Variants in ARHGAP15 observed in about 807,000 individuals in gnomAD.
ARHGAP15 encodes rho GTPase-activating protein 15.
A neutral mutation model predicts 63.7 loss-of-function variants in ARHGAP15; 51 were observed. The observed-to-expected ratio is 0.80, with a 90% confidence interval of 0.64 to 1.01. ARHGAP15 has a LOEUF of 1.01. ARHGAP15 is among the 50% of genes least tolerant of loss of function. The pLI is 0.00. For synonymous variants in ARHGAP15, 191 were observed against 193.8 expected (o/e 0.99, Z 0.12); for missense variants, 560 against 564.6 (o/e 0.99, Z 0.08).
chr2:143,561,295 G>A (rs1462906513), intron 11 of ARHGAP15, among the ~76,000 whole-genome samples: 1 of 152,110 alleles, frequency 6.6e-6, no homozygotes, highest in Non-Finnish European at 1.5e-5. Context: ...TTGAAAAAGG[G>A]ACAAGAGAGA....
At chr2:143,711,360 C>T (rs562806735) in intron 13 of ARHGAP15, among the ~76,000 whole-genome samples, 39 of 152,232 alleles carry the variant, frequency 2.6e-4, no homozygotes, top group South Asian at 4.1e-4. Flanking sequence ...TGAAATTTAG[C>T]TTAGAAAAAT....
chr2:143,519,387 G>T (rs747431713), intron 10 of ARHGAP15, 23 bp downstream of exon 10: 1 of 1,582,502 alleles, frequency 6.3e-7, no homozygotes, highest in South Asian at 1.1e-5. Flanking sequence ...ATGTGCAGCA[G>T]TTCCCCCCAT....
At position 143,211,433 on chromosome 2, in the gene ARHGAP15, G is replaced by C. The variant is rs575333805; in HGVS notation, c.235-4951G>C. Among the ~76,000 whole-genome samples, 7 of 152,152 alleles carry C rather than the reference G, an allele frequency of 4.6e-5. No homozygotes were observed. The East Asian group carries it at 1.2e-3, about 25-fold the overall frequency. ...GTAACCAAATGTGTCCTCATTCTGT[G>C]CTCTTTAATAGAAATCATTGAAACA... On this transcript the variant is annotated intron_variant, in intron 3 of 13. Transcript: ENST00000295095.
intron 11 of ARHGAP15, among the ~76,000 whole-genome samples, chr2:143,562,011 T>C (rs761969017): frequency 1.9e-4 from 29 of 152,224 alleles, no homozygotes; most frequent in Non-Finnish European, 3.5e-4. Context: ...CTCGTAGATA[T>C]CTTTATCTAC....
intron 10 of ARHGAP15, among the ~76,000 whole-genome samples, chr2:143,548,072 C>G (rs13007287): frequency 6.6e-6 from 1 of 152,160 alleles, no homozygotes; most frequent in African/African-American, 2.4e-5. Context: ...AGCAATGTAA[C>G]AACACCTGTC....
chr2:143,359,161 T>G (rs1437076244), intron 6 of ARHGAP15, among the ~76,000 whole-genome samples: 1 of 152,174 alleles, frequency 6.6e-6, no homozygotes, highest in Admixed American at 6.5e-5. Context: ...AGGAACAAAA[T>G]TCCTTAGTTT....
Position 143,291,790 on chromosome 2 carries a change from T to C in ARHGAP15, c.474+41190T>C, listed in dbSNP as rs187780944. Reference sequence around the variant, plus strand: ...CTTGCCCCTCTATATCTACCCATTTTATCATTGCCCACCTTCTCTTCACCA... The same window carrying C: ...CTTGCCCCTCTATATCTACCCATTTCATCATTGCCCACCTTCTCTTCACCA... On this transcript the variant is annotated intron_variant, in intron 6 of 13. Transcript: ENST00000295095. Among the ~76,000 whole-genome samples the C allele has an allele frequency of 3.6e-3, 545 of 152,242 alleles. 1 individual carries two copies. The highest frequency in any genetic ancestry group is 0.014 in the Middle Eastern group (4 of 294).
At chr2:143,566,836 C>T (rs1293153418) in intron 11 of ARHGAP15, among the ~76,000 whole-genome samples, 2 of 152,034 alleles carry the variant, frequency 1.3e-5, no homozygotes, top group Non-Finnish European at 2.9e-5. Context: ...CTACCTTTCC[C>T]AGTATCGTGT....
intron 11 of ARHGAP15, among the ~76,000 whole-genome samples, chr2:143,581,511 C>T (rs1696903778): frequency 6.6e-6 from 1 of 152,162 alleles, no homozygotes; most frequent in Non-Finnish European, 1.5e-5. Flanking sequence ...CTCCTTCTCT[C>T]CTCTGGTTTT....
chr2:143,231,088 T>A (rs1574124813), intron 5 of ARHGAP15, among the ~76,000 whole-genome samples: 1 of 150,390 alleles, frequency 6.6e-6, no homozygotes, highest in South Asian at 2.1e-4. Context: ...TTTTTTTTTT[T>A]ACCACTCATT....
chr2:143,639,143 A>G (rs1314692898), intron 12 of ARHGAP15, among the ~76,000 whole-genome samples: 1 of 152,118 alleles, frequency 6.6e-6, no homozygotes, highest in Non-Finnish European at 1.5e-5. Flanking sequence ...ACAAGTGTCT[A>G]TTTAGAAATG....
chr2:143,429,896 T>C (rs1200270089), intron 6 of ARHGAP15, among the ~76,000 whole-genome samples: 1 of 152,122 alleles, frequency 6.6e-6, no homozygotes, highest in Non-Finnish European at 1.5e-5. Flanking sequence ...TTAAATTACT[T>C]AAATAAAGGG....
intron 9 of ARHGAP15, among the ~76,000 whole-genome samples, chr2:143,515,141 A>T (rs1159181360): frequency 1.3e-5 from 2 of 152,024 alleles, no homozygotes; most frequent in Non-Finnish European, 2.9e-5. Flanking sequence ...TAATCACATC[A>T]GTCGTTTAAC....
At chr2:143,259,931 T>C (rs908443419) in intron 6 of ARHGAP15, among the ~76,000 whole-genome samples, 1 of 152,198 alleles carries the variant, frequency 6.6e-6, no homozygotes, top group African/African-American at 2.4e-5. Flanking sequence ...TCTAAAGATA[T>C]GCTATTTTGC....
chr2:143,169,816 G>T (rs986420775), intron 2 of ARHGAP15, among the ~76,000 whole-genome samples: 1 of 151,650 alleles, frequency 6.6e-6, no homozygotes, highest in Non-Finnish European at 1.5e-5. Flanking sequence ...CGTAGAGGTA[G>T]TAATGCTTTT....
intron 8 of ARHGAP15, among the ~76,000 whole-genome samples, chr2:143,482,466 G>A (rs186944509): frequency 1.4e-4 from 21 of 152,170 alleles, no homozygotes; most frequent in Non-Finnish European, 2.6e-4. Context: ...AAGTATGTGT[G>A]GGGTCACTTG....
chr2:143,519,464 C>A, intron 10 of ARHGAP15, 100 bp downstream of exon 10: 1 of 893,608 alleles, frequency 1.1e-6, no homozygotes, highest in South Asian at 1.6e-5. Flanking sequence ...AGAAGCCATG[C>A]AATTAAAACT....
intron 6 of ARHGAP15, among the ~76,000 whole-genome samples, chr2:143,331,642 TC>T (rs1264152121): frequency 4.6e-5 from 7 of 152,318 alleles, no homozygotes; most frequent in African/African-American, 1.7e-4. Context: ...TTCATATATC[TC>T]TTTCCAAAAG....
At chr2:143,197,367 A>T (rs1380894225) in intron 2 of ARHGAP15, among the ~76,000 whole-genome samples, 1 of 152,008 alleles carries the variant, frequency 6.6e-6, no homozygotes, top group Non-Finnish European at 1.5e-5. Flanking sequence ...TTGTCAGATA[A>T]TAATAATAAG....
Sources: gnomAD v4.1 joint callset for allele counts (sites outside exome capture counted in the v4.1 genomes callset) on GRCh38, gnomAD v4.1.1 for gene constraint, MANE v1.5 for transcripts, NCBI Gene and HGNC (gene_info 2026-07-23, HGNC 2026-07-21) for gene names.